The following TRAPPC12 variants were observed in gnomAD, a reference collection of about 807,000 sequenced individuals.
TRAPPC12 encodes the protein trafficking protein particle complex subunit 12.
A neutral mutation model predicts 69.2 loss-of-function variants in TRAPPC12; 61 were observed. The ratio of observed to expected loss-of-function variants is 0.88; its 90% CI spans 0.72 to 1.09. TRAPPC12 has a LOEUF of 1.09. Ranked by LOEUF, TRAPPC12 falls within the 50% of genes least tolerant of loss-of-function variation. The probability of loss-of-function intolerance (pLI) is 0.00; values close to 1 mark genes in which losing one functional copy is unlikely to be tolerated. For synonymous variants in TRAPPC12, 469 were observed against 438.9 expected, an observed-to-expected ratio of 1.07 and a Z score of -0.86; for missense variants, 1,101 against 1,016.4, an observed-to-expected ratio of 1.08 and a Z score of -1.13.
intron 8 of TRAPPC12, among the ~76,000 whole-genome samples, chr2:3,461,695 A>T (rs1055027434): frequency 6.6e-6 from 1 of 152,204 alleles, no homozygotes; most frequent in African/African-American, 2.4e-5. Flanking sequence ...GGTGGCCCGC[A>T]CAGGTGCTTT....
At chr2:3,452,736 G>A (rs1335622002) in intron 6 of TRAPPC12, among the ~76,000 whole-genome samples, 1 of 152,238 alleles carries the variant, frequency 6.6e-6, no homozygotes, top group African/African-American at 2.4e-5. Context: ...AATAGTCAGT[G>A]CAGCATTAAT....
chr2:3,455,688 C>G (rs999623982), intron 6 of TRAPPC12: 1 of 152,194 alleles, frequency 6.6e-6, no homozygotes, highest in Non-Finnish European at 1.5e-5. Context: ...GGATACCATT[C>G]TTTTTTATGG....
chr2:3,443,184 T>C (rs1410755394), intron 5 of TRAPPC12, among the ~76,000 whole-genome samples: 2 of 152,206 alleles, frequency 1.3e-5, no homozygotes, highest in Non-Finnish European at 2.9e-5. Context: ...ATTTTTCAAG[T>C]CCAGCTCCCT....
At chr2:3,465,253 G>A (rs115717226) in intron 8 of TRAPPC12, among the ~76,000 whole-genome samples, 5,110 of 152,318 alleles carry the variant, frequency 0.034, 292 homozygotes, top group African/African-American at 0.11. Flanking sequence ...ACTTTGTCAG[G>A]AAAGAGAGTT....
At chr2:3,413,868 G>A (rs2103496186) in intron 3 of TRAPPC12, among the ~76,000 whole-genome samples, 1 of 152,224 alleles carries the variant, frequency 6.6e-6, no homozygotes, top group South Asian at 2.1e-4. Context: ...CGCCACCTTA[G>A]CCTGCTGTTT....
intron 5 of TRAPPC12, among the ~76,000 whole-genome samples, chr2:3,428,163 A>AGAAAACATGCTTT (rs1393747137): frequency 6.6e-6 from 1 of 152,238 alleles, no homozygotes; most frequent in Non-Finnish European, 1.5e-5. Context: ...AGTCAAGCCT[A>AGAAAACATGCTTT]GAAAACATGC....
chr2:3,389,111 T>G (rs1660675421), intron 2 of TRAPPC12: 1 of 156,852 alleles, frequency 6.4e-6, no homozygotes, highest in African/African-American at 2.4e-5. Flanking sequence ...ATCACAGAAA[T>G]ATATAAATGT....
In TRAPPC12 at chr2:3,460,398, C is replaced by T. The variant is rs10192109; in HGVS notation, c.1677+62C>T. 24,136 of 821,806 alleles carry T rather than the reference C, an allele frequency of 0.029. 3,475 individuals carry two copies. The African/African-American group carries it at 0.34, about 11-fold the overall frequency. 50.9% of individuals were successfully genotyped at this position (821,806 alleles called of 1,614,324 possible). ...GGAAGAGCGGGGTCAGTGGGAGCCG[C>T]GAGGGAGCCGCTGGTATAATAGATG... On this transcript the variant is annotated intron_variant, in intron 8 of 11. Transcript: ENST00000324266.
chr2:3,398,671 A>C (rs780398214), intron 2 of TRAPPC12, among the ~76,000 whole-genome samples: 5 of 152,170 alleles, frequency 3.3e-5, no homozygotes, highest in Non-Finnish European at 7.3e-5. Context: ...GGGACTACTG[A>C]GACTATTCCC....
Position 3,457,615 on chromosome 2 carries a change from T to C in TRAPPC12, c.1531-6T>C. 6.2e-7 allele frequency: 1 copy of C among 1,612,794 alleles called. No homozygotes were observed. The highest frequency in any genetic ancestry group is 8.5e-7 in the Non-Finnish European group (1 of 1,179,810). On this transcript the variant is annotated splice_region_variant and splice_polypyrimidine_tract_variant and intron_variant, in intron 6 of 11. Coordinates refer to ENST00000324266, the MANE Select transcript of TRAPPC12 (RefSeq NM_016030.6). ...ATTTTGTCCTTCTCATTTGGAATGA[T>C]TGCAGATCCTGGCCAATTTGGAGCA...
At chr2:3,415,378 G>A (rs1662315169) in intron 3 of TRAPPC12, among the ~76,000 whole-genome samples, 1 of 146,478 alleles carries the variant, frequency 6.8e-6, no homozygotes. Context: ...ACATTCAGTA[G>A]GTTAGATGGT....
intron 3 of TRAPPC12, among the ~76,000 whole-genome samples, chr2:3,420,034 A>T (rs1040695188): frequency 8.5e-5 from 13 of 152,228 alleles, no homozygotes; most frequent in Admixed American, 7.9e-4. Flanking sequence ...TCACCCAGTT[A>T]TGCCGAATGC....
At chr2:3,421,778 T>C in intron 3 of TRAPPC12, 103 bp from the exon 4 acceptor site, 1 of 1,076,790 alleles carries the variant, frequency 9.3e-7, no homozygotes, top group Admixed American at 1.9e-5. Context: ...TGGCGCTGCT[T>C]CCAGCAAGGT....
chr2:3,462,898 A>G (rs772426777), intron 8 of TRAPPC12: 3 of 471,076 alleles, frequency 6.4e-6, no homozygotes, highest in South Asian at 4.6e-5. Flanking sequence ...GGCTCCGCAC[A>G]TGATGGAAAG....
chr2:3,458,258 T>C (rs915282695), intron 7 of TRAPPC12: 1 of 987,016 alleles, frequency 1.0e-6, no homozygotes, highest in South Asian at 4.7e-5. Flanking sequence ...GGGAGTGCGT[T>C]AGCCAGGAGC....
At chr2:3,383,926 G>A (rs1220441831) in intron 1 of TRAPPC12, among the ~76,000 whole-genome samples, 9 of 106,656 alleles carry the variant, frequency 8.4e-5, no homozygotes, top group Non-Finnish European at 1.3e-4. Context: ...ATGAAGTTTC[G>A]CTGCTGTTGC....
At chr2:3,457,075 A>G in intron 6 of TRAPPC12, 1 of 463,300 alleles carries the variant, frequency 2.2e-6, no homozygotes. Flanking sequence ...CGAACGGGAT[A>G]AGGAAAAGAT....
chr2:3,388,345 G>T lies in TRAPPC12; in HGVS notation c.722G>T (p.Gly241Val), dbSNP rs752675378. 6.3e-7 allele frequency: 1 copy of T among 1,584,518 alleles called. No individual in the cohort carries two copies. The highest frequency in any genetic ancestry group is 1.2e-5 in the South Asian group (1 of 85,974). ...AFISVSNPGA[G>V]SPAPASPPPL... ...ATTTCCGTCAGCAATCCCGGCGCGG[G>T]CTCCCCGGCCCCCGCCAGCCCGCCT... is the stretch of plus-strand genomic sequence containing the variant. The change falls in exon 2 of 12, where the codon GGC (glycine) becomes GTC (valine). Residue 241 changes from glycine (G) to valine (V), a missense_variant. Coordinates refer to ENST00000324266, the MANE Select transcript of TRAPPC12 (RefSeq NM_016030.6).
At chr2:3,453,645 A>G (rs965733584) in intron 6 of TRAPPC12, among the ~76,000 whole-genome samples, 1 of 152,174 alleles carries the variant, frequency 6.6e-6, no homozygotes, top group Non-Finnish European at 1.5e-5. Flanking sequence ...CTTCTGGGAC[A>G]CAAACACGGG....
Sources: allele counts gnomAD v4.1 joint callset (sites outside exome capture counted in the v4.1 genomes callset), GRCh38; gene constraint gnomAD v4.1.1; transcripts MANE v1.5; gene names NCBI Gene and HGNC (gene_info 2026-07-23, HGNC 2026-07-21).